Variants in TMEM120A observed in about 807,000 individuals in gnomAD.
TMEM120A encodes ion channel TACAN.
Under a neutral mutation model 54.3 loss-of-function variants are expected in TMEM120A, and 45 were observed. The ratio of observed to expected loss-of-function variants is 0.83; its 90% CI spans 0.65 to 1.06. The LOEUF is 1.06. Among genes scored for constraint, TMEM120A ranks in the 50% least tolerant of loss-of-function variants. TMEM120A has a pLI of 0.00. For synonymous variants in TMEM120A, 204 were observed against 178.5 expected (o/e 1.14, Z -1.14); for missense variants, 424 against 441.7 (o/e 0.96, Z 0.36).
intron 3 of TMEM120A, among the ~76,000 whole-genome samples, chr7:75,989,570 G>A (rs923525448): frequency 6.1e-5 from 9 of 147,220 alleles, no homozygotes; most frequent in Admixed American, 1.4e-4. Context: ...TCCCCTGTGC[G>A]ATGGCCACCA....
chr7:75,988,694 C>T (rs1159461458), intron 4 of TMEM120A, 178 bp from the exon 5 acceptor site: 1 of 3,918 alleles, frequency 2.6e-4, no homozygotes, highest in South Asian at 1.3e-3. Flanking sequence ...GGGGGAAAGC[C>T]GGGTGGAGGG....
At chr7:75,990,395 A>G (rs149643083) in intron 3 of TMEM120A, among the ~76,000 whole-genome samples, 1,658 of 152,032 alleles carry the variant, frequency 0.011, 25 homozygotes, top group African/African-American at 0.036. Context: ...CGCTCTCCCC[A>G]GGCTTCCCTC....
Position 75,988,486 on chromosome 7 carries a change from G to A in TMEM120A, c.408C>T (p.Phe136=), listed in dbSNP as rs1554560794. 3.1e-6 allele frequency: 5 copies of A among 1,609,350 alleles called. No individual in the cohort carries two copies. The highest frequency in any genetic ancestry group is 1.7e-6 in the Non-Finnish European group (2 of 1,179,222). ...TGAGGATGATGGTGAGGTAGAGCTTGAACTTCTCATACTCGTCCTTGTAGG... is the reference window on the plus strand; with the variant it reads ...TGAGGATGATGGTGAGGTAGAGCTTAAACTTCTCATACTCGTCCTTGTAGG... ...KFAYKDEYEK[F]KLYLTIILIL... Residue 136 remains phenylalanine, a synonymous_variant, in exon 5 of 12, where the codon TTC becomes TTT. Coordinates refer to ENST00000493111, the MANE Select transcript of TMEM120A (RefSeq NM_031925.3).
rs782177385 is a variant in TMEM120A, at chr7:75,988,086, G to A, written c.626C>T (p.Thr209Met). The change falls in exon 7 of 12, where the codon ACG (threonine) becomes ATG (methionine). Residue 209 changes from threonine (T) to methionine (M), a missense_variant. Thr to Met is a moderately conservative substitution (Grantham distance 81, BLOSUM62 -1). Coordinates refer to ENST00000493111, the MANE Select transcript of TMEM120A (RefSeq NM_031925.3). The part of the protein sequence containing the change: ...VSTFLSGVML[T>M]WPDGLMYQKF... ...CTGCCGGGGCCCAGCCACTCACCACGTCAGCATGACTCCCGACAGGAAGGT... is the reference window on the plus strand; with the variant it reads ...CTGCCGGGGCCCAGCCACTCACCACATCAGCATGACTCCCGACAGGAAGGT... 4.3e-5 allele frequency: 69 copies of A among 1,607,344 alleles called. No homozygotes were observed. Among genetic ancestry groups the A allele is most frequent in the Admixed American group, 1.0e-4 (6 of 59,204 alleles).
rs782178035 is a variant in TMEM120A at position 75,994,556 on chromosome 7, G to A, written c.15C>T (p.Pro5=). 5.8e-6 allele frequency: 9 copies of A among 1,550,790 alleles called. No individual in the cohort carries two copies. Among genetic ancestry groups the A allele is most frequent in the African/African-American group, 1.4e-5 (1 of 72,026 alleles). Residue 5 remains proline, a synonymous_variant, in exon 1 of 12, where the codon CCC becomes CCT. Coordinates refer to ENST00000493111, the MANE Select transcript of TMEM120A (RefSeq NM_031925.3). ...GCAGGCAGTCGCCCAGCGGGCCCGG[G>A]GGCGGGGGCTGCATGGCTGCAGCGC... The part of the protein sequence containing the change: MQPP[P]PGPLGDCLRD...
At chr7:75,987,660 C>G in intron 9 of TMEM120A, 58 bp from the exon 10 acceptor site, 1 of 1,605,486 alleles carries the variant, frequency 6.2e-7, no homozygotes, top group South Asian at 1.1e-5. Context: ...CGCTACCACT[C>G]AGACCCGGGA....
rs781876346 is a variant in TMEM120A at position 75,987,980 on chromosome 7, C to T, written c.634G>A (p.Asp212Asn). 2.3e-5 allele frequency: 36 copies of T among 1,599,896 alleles called. No homozygotes were observed. The highest frequency in any genetic ancestry group is 1.6e-4 in the Middle Eastern group (1 of 6,072). The change falls in exon 8 of 12, where the codon GAC (aspartate) becomes AAC (asparagine). Residue 212 changes from aspartate to asparagine, a missense_variant. By Grantham distance (23) the Asp-to-Asn change is conservative. Coordinates refer to ENST00000493111, the MANE Select transcript of TMEM120A (RefSeq NM_031925.3). ...FLSGVMLTWP[D>N]GLMYQKFRNQ... ...CGGAATTTCTGGTACATGAGACCGT[C>T]GGGCCTAAGGTAAAAAGTGGAGGGC...
At chr7:75,989,129 GGTGGAGGT>G in intron 4 of TMEM120A, 28 bp downstream of exon 4, 2 of 526,144 alleles carry the variant, frequency 3.8e-6, no homozygotes, top group South Asian at 1.9e-5. Flanking sequence ...GGGGTGGAGG[GGTGGAGGT>G]TGGGGGGTGG....
intron 3 of TMEM120A, 89 bp from the exon 4 acceptor site, chr7:75,989,313 C>T: frequency 2.4e-6 from 2 of 840,674 alleles, no homozygotes; most frequent in Non-Finnish European, 2.0e-6. Flanking sequence ...AGAGCCTGGG[C>T]CACCACCCCA....
chr7:75,992,625 G>T (rs1395627348), intron 1 of TMEM120A, 68 bp from the exon 2 acceptor site: 3 of 1,204,084 alleles, frequency 2.5e-6, no homozygotes, highest in East Asian at 2.6e-5. Context: ...CAGGCAGGAC[G>T]TGGCGCTCAG....
intron 3 of TMEM120A, among the ~76,000 whole-genome samples, chr7:75,990,978 A>G (rs1225531356): frequency 6.6e-6 from 1 of 151,260 alleles, no homozygotes; most frequent in African/African-American, 2.4e-5. Flanking sequence ...CAAGATCGAC[A>G]TCCATCCCCT....
rs61100678 is a variant in TMEM120A at position 75,992,594 on chromosome 7, G to A, written c.82-37C>T. 1,021 of 1,471,306 alleles carry A rather than the reference G, an allele frequency of 6.9e-4. 10 individuals are homozygous for A. The African/African-American group carries it at 0.012, about 17-fold the overall frequency. The allele number at this position is 1,471,306 out of a possible 1,614,324, so 91.1% of individuals were successfully genotyped here. ...AGGGGAGAGGCTCAGGCCAGTTGGG[G>A]AGCTACTGAGCCAGAGCCTGCAGGC... On this transcript the variant is annotated intron_variant, in intron 1 of 11. Coordinates refer to ENST00000493111, the MANE Select transcript of TMEM120A (RefSeq NM_031925.3).
chr7:75,987,974 G>T lies in TMEM120A; in HGVS notation c.640C>A (p.Leu214Ile). 6.2e-7 allele frequency: 1 copy of T among 1,601,080 alleles called. No homozygotes were observed. Among genetic ancestry groups the T allele is most frequent in the South Asian group, 1.1e-5 (1 of 89,100 alleles). Residue 214 changes from leucine to isoleucine, a missense_variant, in exon 8 of 12, where the codon CTC becomes ATC. By Grantham distance (5) the Leu-to-Ile change is conservative. Transcript: ENST00000493111. ...SGVMLTWPDG[L>I]MYQKFRNQFL... is the part of the protein sequence containing the mutation. Reference sequence around the variant, plus strand: ...TGGTTCCGGAATTTCTGGTACATGAGACCGTCGGGCCTAAGGTAAAAAGTG... The same window carrying T: ...TGGTTCCGGAATTTCTGGTACATGATACCGTCGGGCCTAAGGTAAAAAGTG...
intron 3 of TMEM120A, among the ~76,000 whole-genome samples, chr7:75,991,696 G>A (rs574689002): frequency 9.2e-5 from 14 of 152,140 alleles, no homozygotes; most frequent in Admixed American, 2.6e-4. Flanking sequence ...GAGCCACCGC[G>A]CCCAGCCTAT....
At chr7:75,990,935 GC>G (rs1789822919) in intron 3 of TMEM120A, among the ~76,000 whole-genome samples, 1 of 149,550 alleles carries the variant, frequency 6.7e-6, no homozygotes, top group Admixed American at 6.7e-5. Flanking sequence ...CCTAGACTTG[GC>G]TGTCTCCCTT....
intron 2 of TMEM120A, 30 bp downstream of exon 2, chr7:75,992,409 C>T (rs782465601): frequency 6.3e-7 from 1 of 1,580,986 alleles, no homozygotes. Flanking sequence ...CCACACTCTG[C>T]CCATGGCGGG....
At chr7:75,988,210 C>A in intron 6 of TMEM120A, 42 bp downstream of exon 6, 2 of 1,611,766 alleles carry the variant, frequency 1.2e-6, no homozygotes, top group Non-Finnish European at 1.7e-6. Context: ...GGTCCTGGCA[C>A]CCCATTCCAT....
At chr7:75,987,312 G>T in intron 11 of TMEM120A, 27 bp from the exon 12 acceptor site, 2 of 1,574,954 alleles carry the variant, frequency 1.3e-6, no homozygotes, top group Non-Finnish European at 1.7e-6. Flanking sequence ...GTGAGGGCTG[G>T]ACATGGGCCT....
Position 75,987,358 on chromosome 7 carries a change from A to T in TMEM120A, c.918+2T>A. On this transcript the variant is annotated splice_donor_variant, in intron 11 of 11. Coordinates refer to ENST00000493111, the MANE Select transcript of TMEM120A (RefSeq NM_031925.3). LOFTEE classifies it high-confidence loss of function. ...CCATCCTGTCCAGGGACCCCGGCTCACCTGCCACTCCTTGCACTGAGGGTC... is the reference window on the plus strand; with the variant it reads ...CCATCCTGTCCAGGGACCCCGGCTCTCCTGCCACTCCTTGCACTGAGGGTC... The T allele has an allele frequency of 6.5e-7, 1 of 1,542,178 alleles. No individual in the cohort carries two copies. The highest frequency in any genetic ancestry group is 8.7e-7 in the Non-Finnish European group (1 of 1,144,564).
Sources: gnomAD v4.1 joint callset for allele counts (sites outside exome capture counted in the v4.1 genomes callset) on GRCh38, gnomAD v4.1.1 for gene constraint, MANE v1.5 for transcripts, NCBI Gene and HGNC (gene_info 2026-07-23, HGNC 2026-07-21) for gene names.